MAPRE2: variants seen among roughly 807,000 people sequenced by gnomAD.
MAPRE2 encodes microtubule-associated protein RP/EB family member 2.
In MAPRE2, 13 loss-of-function variants were observed where a neutral mutation model predicts 43.2. That is an observed-to-expected ratio of 0.30 (90% CI 0.20 to 0.48). The LOEUF is 0.48. Ranked by LOEUF, MAPRE2 falls within the 20% of genes least tolerant of loss-of-function variation. The pLI is 0.99. For synonymous variants in MAPRE2, 135 were observed against 148.8 expected, an observed-to-expected ratio of 0.91 and a Z score of 0.68; for missense variants, 161 against 400.2, an observed-to-expected ratio of 0.40 and a Z score of 5.10.
intron 1 of MAPRE2, among the ~76,000 whole-genome samples, chr18:35,064,562 A>G (rs535547): frequency 0.31 from 46,784 of 152,044 alleles, 9,134 homozygotes; most frequent in East Asian, 0.56. Flanking sequence ...CTTCTCTGGA[A>G]TAATTCACAA....
chr18:35,032,600 C>T (rs2097048350), intron 2 of MAPRE2, among the ~76,000 whole-genome samples: 2 of 152,168 alleles, frequency 1.3e-5, no homozygotes, highest in Admixed American at 6.5e-5. Context: ...GCTAGGGACT[C>T]GAAATTAAAA....
intron 2 of MAPRE2, among the ~76,000 whole-genome samples, chr18:35,091,762 C>T (rs1477702446): frequency 1.3e-5 from 2 of 152,102 alleles, no homozygotes; most frequent in South Asian, 2.1e-4. Context: ...CATCACATCG[C>T]CTGACTTCAA....
At chr18:35,068,000 T>C (rs1262861783) in intron 1 of MAPRE2, among the ~76,000 whole-genome samples, 2 of 152,200 alleles carry the variant, frequency 1.3e-5, no homozygotes, top group Non-Finnish European at 2.9e-5. Flanking sequence ...GTGAGATTTT[T>C]CAGATCCTTA....
intron 1 of MAPRE2, among the ~76,000 whole-genome samples, chr18:34,987,906 G>C (rs541796532): frequency 3.9e-5 from 6 of 152,266 alleles, no homozygotes; most frequent in African/African-American, 1.4e-4. Flanking sequence ...GCCTCCCAAA[G>C]TGTTGGGATT....
rs1361010331 is a variant in MAPRE2, at chr18:35,116,857, C to G, written c.611-10091C>G. On this transcript the variant is annotated intron_variant, in intron 4 of 6. Coordinates refer to ENST00000300249, the MANE Select transcript of MAPRE2 (RefSeq NM_014268.4). Reference sequence around the variant, plus strand: ...GGCTATCATACAAAAGCATGAACACCAGGAGGTGGAGATCATTAGGGTAAG... The same window carrying G: ...GGCTATCATACAAAAGCATGAACACGAGGAGGTGGAGATCATTAGGGTAAG... Among the ~76,000 whole-genome samples, 3 of 152,232 alleles carry G rather than the reference C, an allele frequency of 2.0e-5. No individual in the cohort carries two copies. In the East Asian group the frequency reaches 5.8e-4, roughly 29 times the overall value.
At chr18:35,037,705 C>T (rs2097051305), upstream of MAPRE2, among the ~76,000 whole-genome samples, 1 of 152,072 alleles carries the variant, frequency 6.6e-6, no homozygotes, top group Non-Finnish European at 1.5e-5. Context: ...TCTCCCTACC[C>T]TGCTGGGTAG....
At chr18:35,030,583 C>T (rs2097047373) in intron 2 of MAPRE2, among the ~76,000 whole-genome samples, 1 of 152,162 alleles carries the variant, frequency 6.6e-6, no homozygotes, top group South Asian at 2.1e-4. Context: ...AAAGTACCTC[C>T]TCATTGTTAA....
At chr18:35,114,296 A>G (rs1909311733) in intron 4 of MAPRE2, among the ~76,000 whole-genome samples, 1 of 152,240 alleles carries the variant, frequency 6.6e-6, no homozygotes, top group African/African-American at 2.4e-5. Context: ...AAGCTCTGCA[A>G]TGTTGCTTAG....
At chr18:34,983,338 C>A (rs1439408038) in intron 1 of MAPRE2, among the ~76,000 whole-genome samples, 1 of 152,056 alleles carries the variant, frequency 6.6e-6, no homozygotes, top group Admixed American at 6.6e-5. Flanking sequence ...CTTCTGAATC[C>A]AAACAAGCCC....
chr18:35,069,380 T>TG (rs1163513317), intron 1 of MAPRE2, among the ~76,000 whole-genome samples: 5 of 125,934 alleles, frequency 4.0e-5, no homozygotes, highest in African/African-American at 2.3e-4. Context: ...GATAATATTC[T>TG]GTTTTTTTTA....
At chr18:35,136,358 G>C (rs997056106) in intron 6 of MAPRE2, among the ~76,000 whole-genome samples, 7 of 152,150 alleles carry the variant, frequency 4.6e-5, no homozygotes, top group Non-Finnish European at 1.0e-4. Flanking sequence ...ACTGGACTAA[G>C]TGCTGGCTAT....
chr18:35,038,594 C>T (rs1342970966), upstream of MAPRE2, among the ~76,000 whole-genome samples: 1 of 152,178 alleles, frequency 6.6e-6, no homozygotes, highest in Non-Finnish European at 1.5e-5. Flanking sequence ...TCCATTCTTT[C>T]TACCCTCACT....
intron 1 of MAPRE2, among the ~76,000 whole-genome samples, 176 bp from the exon 2 acceptor site, chr18:35,070,019 T>G (rs964674622): frequency 1.3e-5 from 2 of 152,230 alleles, no homozygotes; most frequent in Non-Finnish European, 2.9e-5. Context: ...GAAAAATATG[T>G]GAAATTTAAT....
At chr18:35,133,600 C>T (rs563334759) in intron 6 of MAPRE2, among the ~76,000 whole-genome samples, 181 of 152,334 alleles carry the variant, frequency 1.2e-3, no homozygotes, top group African/African-American at 3.9e-3. Context: ...TCTGCGATAA[C>T]GCCTGCTAGT....
At chr18:35,005,939 T>G (rs113628655) in intron 2 of MAPRE2, among the ~76,000 whole-genome samples, 20 of 152,260 alleles carry the variant, frequency 1.3e-4, no homozygotes, top group South Asian at 6.2e-4. Flanking sequence ...TCTGTTGGCT[T>G]TGAGAGGCAG....
chr18:35,031,097 A>G (rs1032518493), intron 2 of MAPRE2, among the ~76,000 whole-genome samples: 1 of 152,168 alleles, frequency 6.6e-6, no homozygotes, highest in African/African-American at 2.4e-5. Flanking sequence ...AGTTGTCTCT[A>G]TAGCATTTGC....
chr18:34,984,700 G>A (rs546672744), intron 1 of MAPRE2, among the ~76,000 whole-genome samples: 1 of 145,656 alleles, frequency 6.9e-6, no homozygotes, highest in Admixed American at 7.2e-5. Flanking sequence ...AAAATTAACT[G>A]CCCTCCTTTA....
At chr18:34,998,180 G>A (rs2097027456) in intron 1 of MAPRE2, among the ~76,000 whole-genome samples, 1 of 152,112 alleles carries the variant, frequency 6.6e-6, no homozygotes, top group African/African-American at 2.4e-5. Context: ...ACAGCAGGGA[G>A]CCCAAGAGCA....
chr18:34,993,263 T>G (rs2097024706), intron 1 of MAPRE2, among the ~76,000 whole-genome samples: 1 of 151,456 alleles, frequency 6.6e-6, no homozygotes, highest in South Asian at 2.1e-4. Context: ...GCCTTTTTTT[T>G]TTTTTTTTTT....
Sources: allele counts gnomAD v4.1 joint callset (sites outside exome capture counted in the v4.1 genomes callset), GRCh38; gene constraint gnomAD v4.1.1; transcripts MANE v1.5; gene names NCBI Gene and HGNC (gene_info 2026-07-23, HGNC 2026-07-21).